Variants in ARHGAP20 observed in about 807,000 individuals in gnomAD.
ARHGAP20 encodes the protein rho GTPase-activating protein 20.
Under a neutral mutation model 73.7 loss-of-function variants are expected in ARHGAP20, and 34 were observed. The observed-to-expected ratio is 0.46, with a 90% CI of 0.35 to 0.61. The LOEUF (loss-of-function observed/expected upper bound fraction) is 0.61. ARHGAP20 is among the 20% of genes least tolerant of loss of function. ARHGAP20 has a pLI of 0.00. For missense variants in ARHGAP20, 1,314 were observed against 1,420.9 expected (o/e 0.92, Z 1.21); for synonymous variants, 523 against 518.2 (o/e 1.01, Z -0.13).
At chr11:110,611,516 T>A in intron 6 of ARHGAP20, 130 bp from the exon 7 acceptor site, 1 of 481,844 alleles carries the variant, frequency 2.1e-6, no homozygotes. Context: ...AAGCATAAGA[T>A]TTAGGTAGAA....
At chr11:110,706,959 TACTC>T (rs1950561793) in intron 1 of ARHGAP20, among the ~76,000 whole-genome samples, 1 of 152,064 alleles carries the variant, frequency 6.6e-6, no homozygotes, top group African/African-American at 2.4e-5. Context: ...AACTAAAGCT[TACTC>T]ACTAAGATGT....
chr11:110,609,935 T>G (rs1948326539), intron 7 of ARHGAP20, among the ~76,000 whole-genome samples: 1 of 152,162 alleles, frequency 6.6e-6, no homozygotes, highest in Non-Finnish European at 1.5e-5. Context: ...ATCCTTTCTT[T>G]TTATATAGTG....
At chr11:110,711,668 G>A in intron 1 of ARHGAP20, 5 of 1,462,314 alleles carry the variant, frequency 3.4e-6, no homozygotes, top group Non-Finnish European at 4.5e-6. Context: ...CTTCTTCAGC[G>A]CCGGCTGCCG....
chr11:110,704,744 A>G (rs951838594), intron 1 of ARHGAP20, among the ~76,000 whole-genome samples: 11 of 152,122 alleles, frequency 7.2e-5, no homozygotes, highest in Non-Finnish European at 1.5e-5. Flanking sequence ...TACCAAATTG[A>G]GCATTCTCTC....
chr11:110,708,172 A>G (rs1338140214), intron 1 of ARHGAP20, among the ~76,000 whole-genome samples: 1 of 152,194 alleles, frequency 6.6e-6, no homozygotes, highest in African/African-American at 2.4e-5. Flanking sequence ...ATCACTAATC[A>G]TTGAGGAAAT....
At chr11:110,675,435 C>A (rs1439547809) in intron 2 of ARHGAP20, among the ~76,000 whole-genome samples, 1 of 152,174 alleles carries the variant, frequency 6.6e-6, no homozygotes, top group Admixed American at 6.5e-5. Flanking sequence ...TGGTTCCCAA[C>A]CTTTTTGGCA....
At position 110,675,490 on chromosome 11, in the gene ARHGAP20, G is replaced by A. The variant is rs118188125; in HGVS notation, c.188+15057C>T. On this transcript the variant is annotated intron_variant, in intron 2 of 14. Transcript: ENST00000683387. ...GAGACATTTTTTCCATGGATGGTGG[G>A]GAGTTGTGGAGGAGGAGGAAGGATG... 4.9e-3 allele frequency among the ~76,000 whole-genome samples: 750 copies of A among 152,246 alleles called. 14 individuals carry two copies. The East Asian group carries it at 0.053, about 11-fold the overall frequency.
At chr11:110,608,932 A>G in intron 8 of ARHGAP20, 52 bp downstream of exon 8, 2 of 1,480,200 alleles carry the variant, frequency 1.4e-6, no homozygotes, top group South Asian at 2.3e-5. Context: ...AGACACTTAG[A>G]ATTATAATTA....
intron 2 of ARHGAP20, among the ~76,000 whole-genome samples, chr11:110,652,001 C>T (rs529554567): frequency 2.6e-5 from 4 of 152,200 alleles, no homozygotes; most frequent in African/African-American, 9.6e-5. Context: ...AAAATGCTGG[C>T]AAATTGAATC....
At chr11:110,637,095 C>T (rs968618664) in intron 2 of ARHGAP20, among the ~76,000 whole-genome samples, 8 of 151,856 alleles carry the variant, frequency 5.3e-5, no homozygotes, top group Non-Finnish European at 1.2e-4. Context: ...GTTTTAGAAA[C>T]GTAAAAACTA....
At chr11:110,670,400 T>G (rs1949805267) in intron 2 of ARHGAP20, among the ~76,000 whole-genome samples, 2 of 152,062 alleles carry the variant, frequency 1.3e-5, no homozygotes, top group African/African-American at 4.8e-5. Flanking sequence ...AGGAACATTA[T>G]AGCTCCTACA....
chr11:110,586,721 T>C (rs1363707011), intron 11 of ARHGAP20, among the ~76,000 whole-genome samples: 1 of 152,224 alleles, frequency 6.6e-6, no homozygotes, highest in African/African-American at 2.4e-5. Context: ...CATTGTCTGG[T>C]AGTCATTCAT....
intron 2 of ARHGAP20, among the ~76,000 whole-genome samples, chr11:110,643,900 T>C (rs1949128067): frequency 6.6e-6 from 1 of 152,150 alleles, no homozygotes; most frequent in Admixed American, 6.6e-5. Flanking sequence ...TTCATAGGTC[T>C]AAAATAACTT....
intron 3 of ARHGAP20, among the ~76,000 whole-genome samples, chr11:110,629,644 A>G (rs954572941): frequency 6.6e-6 from 1 of 152,342 alleles, no homozygotes; most frequent in South Asian, 2.1e-4. Flanking sequence ...AAAAATGTAT[A>G]AAAACAGTTC....
Position 110,594,837 on chromosome 11 carries a change from A to C in ARHGAP20, c.965-2682T>G, listed in dbSNP as rs1365434954. 3.0e-4 allele frequency among the ~76,000 whole-genome samples: 46 copies of C among 152,216 alleles called. 1 individual carries two copies. Among genetic ancestry groups the C allele is most frequent in the African/African-American group, 1.0e-3 (43 of 41,520 alleles). On this transcript the variant is annotated intron_variant, in intron 9 of 14. Transcript: ENST00000683387. ...CAAAGCCTGGCAGAGACACAACAAA[A>C]AAAAAAAGAGCATTTTAGACCAACA...
intron 2 of ARHGAP20, among the ~76,000 whole-genome samples, chr11:110,677,988 A>G (rs997431242): frequency 6.6e-6 from 1 of 152,260 alleles, no homozygotes; most frequent in Non-Finnish European, 1.5e-5. Context: ...CCATCAATTA[A>G]TGAATGAATA....
chr11:110,629,986 G>C (rs535113469), intron 3 of ARHGAP20, among the ~76,000 whole-genome samples: 1 of 152,348 alleles, frequency 6.6e-6, no homozygotes, highest in African/African-American at 2.4e-5. Flanking sequence ...AATGGCAATA[G>C]ATAATCAATA....
chr11:110,700,805 G>A (rs1950433135), intron 1 of ARHGAP20, among the ~76,000 whole-genome samples: 1 of 138,096 alleles, frequency 7.2e-6, no homozygotes, highest in African/African-American at 2.8e-5. Context: ...TGTTCTCATT[G>A]TTCAATTCCC....
chr11:110,578,560 G>C lies in ARHGAP20; in HGVS notation c.*810C>G. On this transcript the variant is annotated 3_prime_UTR_variant, in exon 15 of 15. Coordinates refer to ENST00000683387, the MANE Select transcript of ARHGAP20 (RefSeq NM_001384657.1). The stretch of plus-strand genomic sequence containing the variant: ...CTGTCAGGAGGTCACCTTCTAAATA[G>C]AAGAAGTTGCATTTCTGAAGAATGT... 3.0e-6 allele frequency: 3 copies of C among 985,390 alleles called. No homozygotes were observed. The highest frequency in any genetic ancestry group is 3.6e-6 in the Non-Finnish European group (3 of 829,908). The allele number at this position is 985,390 out of a possible 1,614,324, so 61.0% of individuals were successfully genotyped here.
Sources: allele counts gnomAD v4.1 joint callset (sites outside exome capture counted in the v4.1 genomes callset), GRCh38; gene constraint gnomAD v4.1.1; transcripts MANE v1.5; gene names NCBI Gene and HGNC (gene_info 2026-07-23, HGNC 2026-07-21).